The following ATXN7 variants were observed in gnomAD, a reference collection of about 807,000 sequenced individuals.
The protein encoded by ATXN7 is ataxin 7.
ATXN7 carries 12 observed loss-of-function variants against 70.5 expected under a neutral mutation model. The observed-to-expected ratio is 0.17, with a 90% CI of 0.11 to 0.28. The LOEUF is 0.28. ATXN7 is among the 10% of genes least tolerant of loss of function. The probability of loss-of-function intolerance (pLI) is 1.00; values close to 1 mark genes in which losing one functional copy is unlikely to be tolerated. For missense variants in ATXN7, 1,256 were observed against 1,131.7 expected (o/e 1.11, Z -1.58); for synonymous variants, 498 against 448.7 (o/e 1.11, Z -1.39).
intron 1 of ATXN7, among the ~76,000 whole-genome samples, chr3:63,866,041 A>G (rs1224016293): frequency 6.6e-6 from 1 of 152,032 alleles, no homozygotes; most frequent in Non-Finnish European, 1.5e-5. Context: ...TTCATGGGAA[A>G]GTATCACTGC....
intron 12 of ATXN7, chr3:63,998,046 C>G: frequency 3.0e-6 from 3 of 985,374 alleles, no homozygotes; most frequent in Non-Finnish European, 3.6e-6. Context: ...TGTGCCGATT[C>G]TTCAACGCAC....
chr3:63,990,338 C>T lies in ATXN7; in HGVS notation c.1524C>T (p.Asp508=), dbSNP rs886755015. The T allele has an allele frequency of 1.2e-6, 2 of 1,614,176 alleles. No individual in the cohort carries two copies. The highest frequency in any genetic ancestry group is 8.5e-7 in the Non-Finnish European group (1 of 1,180,042). Reference sequence around the variant, plus strand: ...AAGAAGAGTCTGTTGAAAAACTGGACTGTCATTATTCAGGTCATCATCCTC... The same window carrying T: ...AAGAAGAGTCTGTTGAAAAACTGGATTGTCATTATTCAGGTCATCATCCTC... ...DDKEESVEKL[D]CHYSGHHPQP... The change falls in exon 10 of 13, where the codon GAC becomes GAT. Residue 508 remains aspartate, a synonymous_variant. Coordinates refer to ENST00000674280, the MANE Select transcript of ATXN7 (RefSeq NM_001377405.1).
rs1451507253 is a variant in ATXN7 at position 63,967,903 on chromosome 3, A to G, written c.500-12012A>G. On this transcript the variant is annotated intron_variant, in intron 5 of 12. Transcript: ENST00000674280. The stretch of plus-strand genomic sequence containing the variant: ...CAAGTGTGCAATGAAGCACAACCAA[A>G]TTCTGTGAATGGAAGGTAGCAAGAC... 2.6e-6 allele frequency: 4 copies of G among 1,535,828 alleles called. No homozygotes were observed. In the African/African-American group the frequency reaches 5.5e-5, roughly 21 times the overall value.
intron 1 of ATXN7, among the ~76,000 whole-genome samples, chr3:63,870,494 G>T (rs1702562236): frequency 6.6e-6 from 1 of 152,134 alleles, no homozygotes; most frequent in Non-Finnish European, 1.5e-5. Context: ...CATCTCTTTG[G>T]ATAGGATGAA....
At position 63,988,323 on chromosome 3, in the gene ATXN7, A is replaced by C. The variant is rs745433659; in HGVS notation, c.1360A>C (p.Arg454=). 5.6e-6 allele frequency: 9 copies of C among 1,613,948 alleles called. No homozygotes were observed. The highest frequency in any genetic ancestry group is 6.8e-6 in the Non-Finnish European group (8 of 1,180,014). Residue 454 remains arginine (R), a splice_region_variant and synonymous_variant, in exon 9 of 13, where the codon AGG becomes CGG. Transcript: ENST00000674280. The stretch of plus-strand genomic sequence containing the variant: ...TAAACCTCACACCCCCAGTCTTCCA[A>C]GGTAAGCCAGGCCCTCCAACTCTTT... ...KPKPHTPSLP[R]PPGCPAQQGG... is the part of the protein sequence containing the mutation.
intron 11 of ATXN7, among the ~76,000 whole-genome samples, chr3:63,993,346 A>C (rs1334432526): frequency 6.7e-6 from 1 of 148,872 alleles, no homozygotes; most frequent in East Asian, 2.0e-4. Flanking sequence ...AGGAAAACCA[A>C]GGCTGAGGCA....
intron 1 of ATXN7, among the ~76,000 whole-genome samples, chr3:63,872,239 G>A (rs965644185): frequency 5.9e-5 from 9 of 152,148 alleles, no homozygotes; most frequent in East Asian, 1.9e-4. Context: ...GAAATATTAC[G>A]ATAATTCATG....
chr3:63,989,112 T>TCTCCCTCGTGGA (rs2075625008), intron 9 of ATXN7, among the ~76,000 whole-genome samples: 1 of 152,178 alleles, frequency 6.6e-6, no homozygotes, highest in Admixed American at 6.5e-5. Flanking sequence ...GGTGGAAGCA[T>TCTCCCTCGTGGA]CTCCCTCGTG....
intron 2 of ATXN7, among the ~76,000 whole-genome samples, chr3:63,902,630 T>C (rs1292839116): frequency 6.6e-6 from 1 of 152,116 alleles, no homozygotes; most frequent in East Asian, 1.9e-4. Context: ...ATTGACTGGC[T>C]AAGGAGTTTA....
chr3:63,982,499 T>A, intron 7 of ATXN7, 54 bp downstream of exon 7: 1 of 1,434,850 alleles, frequency 7.0e-7, no homozygotes, highest in South Asian at 1.2e-5. Flanking sequence ...AAATGGGCAT[T>A]CGTGGGGAGC....
intron 2 of ATXN7, among the ~76,000 whole-genome samples, chr3:63,899,121 G>A (rs1703536392): frequency 6.6e-6 from 1 of 150,508 alleles, no homozygotes; most frequent in South Asian, 2.2e-4. Flanking sequence ...GGAGTGTAGT[G>A]GCATGATCGT....
At chr3:63,958,521 G>A (rs1460578136) in intron 5 of ATXN7, among the ~76,000 whole-genome samples, 3 of 152,138 alleles carry the variant, frequency 2.0e-5, no homozygotes, top group Admixed American at 6.5e-5. Flanking sequence ...GCATCACAAA[G>A]CAAAGGTTTT....
intron 4 of ATXN7, among the ~76,000 whole-genome samples, chr3:63,941,809 A>G (rs1377540496): frequency 6.6e-6 from 1 of 152,120 alleles, no homozygotes; most frequent in Non-Finnish European, 1.5e-5. Flanking sequence ...AGTTGTGCTT[A>G]TGGAAGGTGG....
At chr3:63,913,286 A>G in intron 4 of ATXN7, 61 bp downstream of exon 4, 1 of 1,516,836 alleles carries the variant, frequency 6.6e-7, no homozygotes. Flanking sequence ...TTGACAGTTC[A>G]CTGGGACCGG....
At chr3:63,878,139 G>C (rs530547162) in intron 1 of ATXN7, among the ~76,000 whole-genome samples, 1 of 152,170 alleles carries the variant, frequency 6.6e-6, no homozygotes, top group African/African-American at 2.4e-5. Context: ...TGGGCTAGTG[G>C]TAAGCAGGTC....
chr3:63,960,064 G>GA (rs1157132588), intron 5 of ATXN7, among the ~76,000 whole-genome samples: 2 of 152,206 alleles, frequency 1.3e-5, no homozygotes, highest in African/African-American at 2.4e-5. Context: ...TAATGTGAGA[G>GA]AAAATGACTG....
chr3:63,992,013 T>TGAATAGTAAGCTTTGCTAAAGTG, intron 11 of ATXN7, among the ~76,000 whole-genome samples: 1 of 152,240 alleles, frequency 6.6e-6, no homozygotes, highest in Non-Finnish European at 1.5e-5. Flanking sequence ...GTGACTTTGG[T>TGAATAGTAAGCTTTGCTAAAGTG]GAATAGTAAG....
At chr3:63,960,369 C>T (rs1480675674) in intron 5 of ATXN7, among the ~76,000 whole-genome samples, 1 of 152,088 alleles carries the variant, frequency 6.6e-6, no homozygotes, top group Non-Finnish European at 1.5e-5. Flanking sequence ...CAGGATTGGA[C>T]GGCGCAGGCA....
intron 1 of ATXN7, among the ~76,000 whole-genome samples, chr3:63,882,391 T>G (rs542329915): frequency 6.6e-6 from 1 of 151,258 alleles, no homozygotes; most frequent in Admixed American, 6.6e-5. Flanking sequence ...GATTCTTTTT[T>G]TTTTTTTTTT....
Sources: allele counts gnomAD v4.1 joint callset (sites outside exome capture counted in the v4.1 genomes callset), GRCh38; gene constraint gnomAD v4.1.1; transcripts MANE v1.5; gene names NCBI Gene and HGNC (gene_info 2026-07-23, HGNC 2026-07-21).